The following VPS13C variants were observed in gnomAD, a reference collection of about 807,000 sequenced individuals.
The protein encoded by VPS13C is vacuolar protein sorting 13 homolog C, also known as intermembrane lipid transfer protein VPS13C.
A neutral mutation model predicts 456.8 loss-of-function variants in VPS13C; 358 were observed. The ratio of observed to expected loss-of-function variants is 0.78; its 90% CI spans 0.72 to 0.86. The LOEUF is 0.86. Ranked by LOEUF, VPS13C falls within the 40% of genes least tolerant of loss-of-function variation. The probability of loss-of-function intolerance (pLI) is 0.00; values close to 1 mark genes in which losing one functional copy is unlikely to be tolerated. For synonymous variants in VPS13C, 1,578 were observed against 1,486.7 expected, an observed-to-expected ratio of 1.06 and a Z score of -1.41; for missense variants, 4,818 against 4,385.4, an observed-to-expected ratio of 1.10 and a Z score of -2.79.
At position 61,941,901 on chromosome 15, in the gene VPS13C, A is replaced by G; in HGVS notation, c.5315T>C (p.Val1772Ala). The change falls in exon 46 of 85, where the codon GTA becomes GCA. Residue 1772 changes from valine to alanine, a missense_variant. Val to Ala is a moderately conservative substitution (Grantham distance 64, BLOSUM62 0). Transcript: ENST00000644861. The stretch of plus-strand genomic sequence containing the variant: ...ATCTGCTATAACAGCATTAGGTGAT[A>G]CTGAAGACTGAGGAATAATAATAAC... ...APVIIIPQSS[V>A]SPNAVIADLG... 6.2e-7 allele frequency: 1 copy of G among 1,614,066 alleles called. No individual in the cohort carries two copies. The highest frequency in any genetic ancestry group is 2.2e-5 in the East Asian group (1 of 44,848).
At chr15:61,896,876 T>A (rs2042837477) in intron 66 of VPS13C, among the ~76,000 whole-genome samples, 1 of 152,192 alleles carries the variant, frequency 6.6e-6, no homozygotes, top group Non-Finnish European at 1.5e-5. Flanking sequence ...AAGAGAGCAG[T>A]GGTTCTCCCA....
intron 82 of VPS13C, among the ~76,000 whole-genome samples, chr15:61,860,550 G>GA (rs1291823919): frequency 6.6e-6 from 1 of 152,018 alleles, no homozygotes; most frequent in Non-Finnish European, 1.5e-5. Flanking sequence ...AGATACTAGG[G>GA]AAAAAATGTC....
chr15:62,052,900 A>G (rs916640311), intron 1 of VPS13C, among the ~76,000 whole-genome samples: 2 of 152,130 alleles, frequency 1.3e-5, no homozygotes, highest in African/African-American at 4.8e-5. Context: ...AGAAAGCTGC[A>G]ACATCACCAC....
rs1432126733 is a variant in VPS13C, at chr15:62,023,402, ATTAC to A, written c.624+5_624+8del. ...TTAATTATTAACTGAGTAAATAAAA[ATTAC>A]TTACATCATCTTCATATTTAATGTG... On this transcript the variant is annotated splice_donor_5th_base_variant and intron_variant, in intron 8 of 84. Transcript: ENST00000644861. 7.8e-6 allele frequency: 11 copies of A among 1,405,262 alleles called. No individual in the cohort carries two copies. The highest frequency in any genetic ancestry group is 4.9e-5 in the East Asian group (2 of 40,456). 87.0% of individuals were successfully genotyped at this position (1,405,262 alleles called of 1,614,324 possible).
At chr15:62,017,397 T>A (rs1170341291) in intron 9 of VPS13C, among the ~76,000 whole-genome samples, 1 of 152,186 alleles carries the variant, frequency 6.6e-6, no homozygotes, top group Non-Finnish European at 1.5e-5. Context: ...TAGGTTTTCT[T>A]CTAGGGTTTT....
In VPS13C at chr15:61,881,821, T is replaced by C. The variant is rs1160281014; in HGVS notation, c.9632A>G (p.Asn3211Ser). The change falls in exon 70 of 85, where the codon AAT (asparagine) becomes AGT (serine). Residue 3211 changes from asparagine to serine, a missense_variant. Around this residue, in one of 3 missense-constraint regions of VPS13C, gnomAD observed 4,552 missense variants for 4,130.6 expected, o/e 1.10. Transcript: ENST00000644861. ...AGGGAACATTGCACCTGGTAACTGA[T>C]TATCAACCTGAAAGAAAAGAAAACG... is the stretch of plus-strand genomic sequence containing the variant. ...RARLYWLQVD[N>S]QLPGAMFPVV... 1 of 1,585,022 alleles carries C rather than the reference T, an allele frequency of 6.3e-7. No homozygotes were observed. Among genetic ancestry groups the C allele is most frequent in the South Asian group, 1.2e-5 (1 of 85,038 alleles).
At chr15:61,975,776 C>T (rs891721398) in intron 24 of VPS13C, among the ~76,000 whole-genome samples, 1 of 151,918 alleles carries the variant, frequency 6.6e-6, no homozygotes, top group African/African-American at 2.4e-5. Flanking sequence ...TATCCTGATA[C>T]CAAAACAAGA....
rs187262040 is a variant in VPS13C at position 62,014,137 on chromosome 15, A to G, written c.685-145T>C. The G allele has an allele frequency of 5.8e-3, 2,833 of 492,066 alleles. 10 individuals carry two copies. The highest frequency in any genetic ancestry group is 7.2e-3 in the Non-Finnish European group (1,981 of 276,400). 30.5% of individuals were successfully genotyped at this position (492,066 alleles called of 1,614,324 possible). A position where few individuals can be genotyped will look rare whatever the true frequency, so the allele number is the denominator to read the frequency against. Reference sequence around the variant, plus strand: ...GTATTAGCTATCTATTTCTTTACATATATTTATAAGACAAAATCAAAGAAA... The same window carrying G: ...GTATTAGCTATCTATTTCTTTACATGTATTTATAAGACAAAATCAAAGAAA... On this transcript the variant is annotated intron_variant, in intron 9 of 84. Transcript: ENST00000644861.
Position 61,950,901 on chromosome 15 carries a change from C to T in VPS13C, c.4536+44G>A, listed in dbSNP as rs772137426. On this transcript the variant is annotated intron_variant, in intron 40 of 84. Transcript: ENST00000644861. ...ATTAAATATAAGGGTAATATAACTT[C>T]ATATATTCAAATATTAAAGAATCCT... The T allele has an allele frequency of 1.9e-5, 20 of 1,068,516 alleles. 1 individual carries two copies. The highest frequency in any genetic ancestry group is 3.4e-4 in the Middle Eastern group (1 of 2,966). 66.2% of individuals were successfully genotyped at this position (1,068,516 alleles called of 1,614,324 possible).
intron 16 of VPS13C, among the ~76,000 whole-genome samples, chr15:62,000,275 G>A (rs772170972): frequency 1.3e-5 from 2 of 152,100 alleles, no homozygotes; most frequent in Non-Finnish European, 2.9e-5. Flanking sequence ...TGAGGTAGGA[G>A]AATCACTTGC....
In VPS13C at chr15:61,945,005, G is replaced by C. The variant is rs557618253; in HGVS notation, c.5148+710C>G. Among the ~76,000 whole-genome samples, 67 of 152,220 alleles carry C rather than the reference G, an allele frequency of 4.4e-4. 1 individual carries two copies. The highest frequency in any genetic ancestry group is 1.4e-3 in the African/African-American group (59 of 41,530). On this transcript the variant is annotated intron_variant, in intron 45 of 84. Transcript: ENST00000644861. ...GGAGGGAACTGGTAGGAGGTGACTG[G>C]ATCACAGGGGCAGTTTCCCCCATGC...
intron 37 of VPS13C, among the ~76,000 whole-genome samples, chr15:61,958,176 C>A (rs1033922238): frequency 2.6e-5 from 4 of 151,968 alleles, no homozygotes; most frequent in Admixed American, 2.0e-4. Flanking sequence ...GCTGTATAAT[C>A]TTTTCATTAT....
chr15:62,012,023 GT>G, intron 12 of VPS13C, 83 bp downstream of exon 12: 1 of 852,104 alleles, frequency 1.2e-6, no homozygotes, highest in South Asian at 1.6e-5. Context: ...GACTAAGTAA[GT>G]TTATCAGAAA....
intron 57 of VPS13C, among the ~76,000 whole-genome samples, 166 bp from the exon 58 acceptor site, chr15:61,919,615 C>G (rs2043584427): frequency 6.6e-6 from 1 of 151,884 alleles, no homozygotes; most frequent in Non-Finnish European, 1.5e-5. Flanking sequence ...AGACCAGTTA[C>G]TGTTATAAAA....
chr15:61,929,472 G>C, intron 51 of VPS13C, 29 bp downstream of exon 51: 1 of 1,566,900 alleles, frequency 6.4e-7, no homozygotes, highest in South Asian at 1.2e-5. Flanking sequence ...TATACAAGTT[G>C]TCATCTATGA....
chr15:61,934,860 C>A (rs2044174131), intron 48 of VPS13C, among the ~76,000 whole-genome samples: 1 of 152,144 alleles, frequency 6.6e-6, no homozygotes, highest in Non-Finnish European at 1.5e-5. Context: ...ATGCCATTCT[C>A]CTGCCTCAGC....
rs1248370704 is a variant in VPS13C, at chr15:61,978,853, T to A, written c.2167-104A>T. The A allele has an allele frequency of 3.5e-6, 4 of 1,134,522 alleles. No homozygotes were observed. The East Asian group carries it at 1.1e-4, about 30-fold the overall frequency. 70.3% of individuals were successfully genotyped at this position (1,134,522 alleles called of 1,614,324 possible). ...GTCTTGCATTTAGTTAGTTAAAACC[T>A]AACAAATTGAAAATACTGCTCTTAA... On this transcript the variant is annotated intron_variant, in intron 22 of 84. Coordinates refer to ENST00000644861, the MANE Select transcript of VPS13C (RefSeq NM_020821.3).
chr15:61,901,632 G>A (rs2042999720), intron 66 of VPS13C, among the ~76,000 whole-genome samples: 1 of 152,074 alleles, frequency 6.6e-6, no homozygotes. Context: ...GAGAGGATGT[G>A]GAGAAATGGG....
chr15:61,897,897 G>A (rs993524155), intron 66 of VPS13C, among the ~76,000 whole-genome samples: 7 of 152,156 alleles, frequency 4.6e-5, no homozygotes, highest in Admixed American at 6.5e-5. Context: ...GACTAACAGC[G>A]GATCGCTCGG....
Sources: gnomAD v4.1 joint callset for allele counts (sites outside exome capture counted in the v4.1 genomes callset) on GRCh38, gnomAD v4.1.1 for gene constraint, gnomAD v4.1.1 regional missense constraint, MANE v1.5 for transcripts, NCBI Gene and HGNC (gene_info 2026-07-23, HGNC 2026-07-21) for gene names.